SAMMSON: variants seen among roughly 807,000 people sequenced by gnomAD.
SAMMSON encodes the protein long intergenic non-protein coding RNA 1212.
At chr3:70,143,815 CT>C in intron 4 of SAMMSON, among the ~76,000 whole-genome samples, 1 of 152,216 alleles carries the variant, frequency 6.6e-6, no homozygotes, top group Non-Finnish European at 1.5e-5. Flanking sequence ...TAAATAATTT[CT>C]TTTCAACTCC....
intron 4 of SAMMSON, among the ~76,000 whole-genome samples, chr3:70,143,262 A>G (rs1333695005): frequency 6.6e-6 from 1 of 151,800 alleles, no homozygotes; most frequent in Non-Finnish European, 1.5e-5. Context: ...TCAGTCTTTC[A>G]ACTGGCACTA....
At chr3:70,344,759 G>A (rs1296654184) in intron 7 of SAMMSON, among the ~76,000 whole-genome samples, 6 of 152,232 alleles carry the variant, frequency 3.9e-5, no homozygotes, top group South Asian at 2.1e-4. Context: ...GAGTGTGAAC[G>A]GCTGAACAGA....
chr3:70,086,637 T>A (rs1316911100), intron 4 of SAMMSON, among the ~76,000 whole-genome samples: 2 of 152,222 alleles, frequency 1.3e-5, no homozygotes, highest in Non-Finnish European at 2.9e-5. Context: ...GTAAGATTTT[T>A]CTGTCTCTTC....
rs180920244 is a variant in SAMMSON at position 70,295,591 on chromosome 3, C to G, written n.739+4348C>G. Reference sequence around the variant, plus strand: ...GGTGGTGCGCACCTGTAGTCCTATTCCTAAGTACTTGGGAGACTTGAGCCC... The same window carrying G: ...GGTGGTGCGCACCTGTAGTCCTATTGCTAAGTACTTGGGAGACTTGAGCCC... On this transcript the variant is annotated intron_variant and non_coding_transcript_variant, in intron 7 of 9. Coordinates refer to ENST00000642114, the Ensembl canonical transcript of SAMMSON. Among the ~76,000 whole-genome samples, 8 of 152,132 alleles carry G rather than the reference C, an allele frequency of 5.3e-5. No homozygotes were observed. The East Asian group carries it at 1.6e-3, about 30-fold the overall frequency.
chr3:70,177,757 C>T (rs1181930608), intron 4 of SAMMSON, among the ~76,000 whole-genome samples: 1 of 152,126 alleles, frequency 6.6e-6, no homozygotes, highest in African/African-American at 2.4e-5. Context: ...AGAAGTTGCA[C>T]CACTGAAAAG....
intron 6 of SAMMSON, among the ~76,000 whole-genome samples, chr3:70,273,931 C>G (rs181418731): frequency 6.6e-6 from 1 of 152,176 alleles, no homozygotes; most frequent in African/African-American, 2.4e-5. Context: ...GCCCCCAGAG[C>G]AGCCACAGGC....
intron 1 of SAMMSON, among the ~76,000 whole-genome samples, chr3:70,011,546 A>G (rs907042874): frequency 6.6e-6 from 1 of 152,048 alleles, no homozygotes; most frequent in Non-Finnish European, 1.5e-5. Flanking sequence ...ATTTAGTTGA[A>G]GATTTAAGAG....
At chr3:70,188,123 T>C (rs1701105864) in intron 4 of SAMMSON, among the ~76,000 whole-genome samples, 2 of 152,340 alleles carry the variant, frequency 1.3e-5, no homozygotes, top group African/African-American at 4.8e-5. Flanking sequence ...AATGTTGGGT[T>C]GGCCAGCCTG....
At chr3:70,137,776 A>G (rs1016734625) in intron 4 of SAMMSON, 2 of 152,206 alleles carry the variant, frequency 1.3e-5, no homozygotes, top group African/African-American at 2.4e-5. Flanking sequence ...AATATAAAAC[A>G]TTATTGAAAT....
intron 7 of SAMMSON, among the ~76,000 whole-genome samples, chr3:70,291,499 T>C: frequency 6.6e-6 from 1 of 152,188 alleles, no homozygotes; most frequent in African/African-American, 2.4e-5. Context: ...TCTCACATTG[T>C]ATTGTACTGT....
At chr3:70,070,481 T>C (rs1036458331) in intron 3 of SAMMSON, 1 of 152,028 alleles carries the variant, frequency 6.6e-6, no homozygotes, top group Non-Finnish European at 1.5e-5. Context: ...ATGGTATTGT[T>C]ATGTTTAGGG....
rs184192854 is a variant in SAMMSON, at chr3:70,198,390, A to G, written n.508-50717A>G. ...TATAAGTGCTCTTATCGCCGTATTCATTTACTTTTATTTTCCAGAAAGCTC... is the reference window on the plus strand; with the variant it reads ...TATAAGTGCTCTTATCGCCGTATTCGTTTACTTTTATTTTCCAGAAAGCTC... On this transcript the variant is annotated intron_variant and non_coding_transcript_variant, in intron 4 of 9. Coordinates refer to ENST00000642114, the Ensembl canonical transcript of SAMMSON. 3.3e-3 allele frequency among the ~76,000 whole-genome samples: 499 copies of G among 152,264 alleles called. 5 individuals carry two copies. The highest frequency in any genetic ancestry group is 0.011 in the African/African-American group (472 of 41,560).
chr3:70,007,668 A>G (rs1404670251), intron 1 of SAMMSON, among the ~76,000 whole-genome samples: 4 of 151,878 alleles, frequency 2.6e-5, no homozygotes, highest in Non-Finnish European at 5.9e-5. Flanking sequence ...CCATTTGTCA[A>G]TTTTGGCTTT....
At chr3:70,093,162 T>C (rs1010895493) in intron 4 of SAMMSON, among the ~76,000 whole-genome samples, 2 of 152,184 alleles carry the variant, frequency 1.3e-5, no homozygotes, top group East Asian at 1.9e-4. Flanking sequence ...CTGCCTTCAA[T>C]GTTCTTGCCT....
intron 7 of SAMMSON, among the ~76,000 whole-genome samples, chr3:70,293,565 A>G (rs1702260426): frequency 6.6e-6 from 1 of 152,128 alleles, no homozygotes; most frequent in Non-Finnish European, 1.5e-5. Context: ...TGTGAAAATA[A>G]AACATCTGTG....
intron 4 of SAMMSON, chr3:70,125,451 A>C (rs1342022503): frequency 1.2e-6 from 1 of 860,198 alleles, no homozygotes; most frequent in Non-Finnish European, 1.9e-6. Flanking sequence ...TCCCTTCTAG[A>C]AATACATTCC....
chr3:70,226,773 G>T (rs891546289), intron 4 of SAMMSON, among the ~76,000 whole-genome samples: 3 of 150,920 alleles, frequency 2.0e-5, no homozygotes, highest in Non-Finnish European at 2.9e-5. Flanking sequence ...GCAATTTCCA[G>T]GTGGCAATTA....
intron 4 of SAMMSON, among the ~76,000 whole-genome samples, chr3:70,165,501 G>A (rs937987368): frequency 2.6e-5 from 4 of 151,858 alleles, no homozygotes; most frequent in African/African-American, 4.8e-5. Context: ...CCCCAGAACC[G>A]AATATGCTGA....
chr3:70,412,980 G>GTTGTTGTTGTT (rs1701233794), intron 2 of SAMMSON, among the ~76,000 whole-genome samples: 1 of 152,058 alleles, frequency 6.6e-6, no homozygotes, highest in South Asian at 2.1e-4. Flanking sequence ...CAGTTATTTT[G>GTTGTTGTTGTT]TTGTTGTTGT....
Sources: gnomAD v4.1 joint callset for allele counts (sites outside exome capture counted in the v4.1 genomes callset) on GRCh38, gnomAD v4.1.1 for gene constraint, MANE v1.5 for transcripts, NCBI Gene and HGNC (gene_info 2026-07-23, HGNC 2026-07-21) for gene names.